PIK3R5: variants seen among roughly 807,000 people sequenced by gnomAD.
PIK3R5 encodes phosphoinositide 3-kinase regulatory subunit 5.
PIK3R5 carries 32 observed loss-of-function variants against 94.9 expected under a neutral mutation model. The ratio of observed to expected loss-of-function variants is 0.34; its 90% CI spans 0.25 to 0.45. The LOEUF (loss-of-function observed/expected upper bound fraction) is 0.45. Among genes scored for constraint, PIK3R5 ranks in the 20% least tolerant of loss-of-function variants. The probability of loss-of-function intolerance (pLI) is 1.00; values close to 1 mark genes in which losing one functional copy is unlikely to be tolerated. For missense variants in PIK3R5, 853 were observed against 1,144.6 expected, an observed-to-expected ratio of 0.75 and a Z score of 3.68; for synonymous variants, 443 against 479.4, an observed-to-expected ratio of 0.92 and a Z score of 0.99.
At chr17:8,883,312 G>A (rs561786561) in intron 15 of PIK3R5, among the ~76,000 whole-genome samples, 9 of 152,332 alleles carry the variant, frequency 5.9e-5, no homozygotes, top group Admixed American at 3.9e-4. Flanking sequence ...ATGTTGCAGT[G>A]AGCCAAGATT....
chr17:8,903,661 T>C (rs2090337745), intron 5 of PIK3R5, among the ~76,000 whole-genome samples: 2 of 152,040 alleles, frequency 1.3e-5, no homozygotes, highest in East Asian at 3.9e-4. Context: ...TTCAGCAAAG[T>C]TTGTTTTCTC....
At chr17:8,930,287 A>C (rs1384463112) in intron 1 of PIK3R5, among the ~76,000 whole-genome samples, 1 of 152,246 alleles carries the variant, frequency 6.6e-6, no homozygotes, top group Non-Finnish European at 1.5e-5. Context: ...TCAATAATAG[A>C]AAGATCACAG....
In PIK3R5 at chr17:8,890,052, C is replaced by T. The variant is rs1190087501; in HGVS notation, c.732G>A (p.Gly244=). 1 of 1,614,028 alleles carries T rather than the reference C, an allele frequency of 6.2e-7. No individual in the cohort carries two copies. The highest frequency in any genetic ancestry group is 1.1e-5 in the South Asian group (1 of 91,078). ...AEAQELASGI[G]DAAEARRWLR... ...GCCACCGCCGGGCCTCTGCAGCATCCCCGATGCCAGATGCCAGCTCCTGTG... is the reference window on the plus strand; with the variant it reads ...GCCACCGCCGGGCCTCTGCAGCATCTCCGATGCCAGATGCCAGCTCCTGTG... The change falls in exon 8 of 19, where the codon GGG becomes GGA. Residue 244 remains glycine, a synonymous_variant. Transcript: ENST00000447110. The surrounding 1 kb of genome is among the most constrained non-coding windows in gnomAD (Gnocchi z 6.1).
intron 1 of PIK3R5, among the ~76,000 whole-genome samples, chr17:8,956,184 T>C (rs1403669424): frequency 6.6e-6 from 1 of 151,450 alleles, no homozygotes; most frequent in Non-Finnish European, 1.5e-5. Context: ...AAAACAAAAA[T>C]TTGTCGGGCA....
At chr17:8,931,051 CTCTT>C (rs1047434310) in intron 1 of PIK3R5, among the ~76,000 whole-genome samples, 5 of 152,258 alleles carry the variant, frequency 3.3e-5, no homozygotes, top group East Asian at 1.9e-4. Context: ...CAAAGGATCT[CTCTT>C]TATTATTTCA....
rs2090349438 is a variant in PIK3R5 at position 8,904,224 on chromosome 17, A to G, written c.412+553T>C. Among the ~76,000 whole-genome samples, 1 of 152,178 alleles carries G rather than the reference A, an allele frequency of 6.6e-6. No individual in the cohort carries two copies. Among genetic ancestry groups the G allele is most frequent in the South Asian group, 2.1e-4 (1 of 4,836 alleles). On this transcript the variant is annotated intron_variant, in intron 5 of 18. Transcript: ENST00000447110. The surrounding 1 kb of genome is among the most constrained non-coding windows in gnomAD (Gnocchi z 5.1). ...TTCCTTAGACCTGATTTGCATGTCT[A>G]TGACAGCACCTGCAATTTCTGAAGA...
At chr17:8,963,580 C>T (rs1422931052) in intron 1 of PIK3R5, among the ~76,000 whole-genome samples, 1 of 151,580 alleles carries the variant, frequency 6.6e-6, no homozygotes, top group African/African-American at 2.4e-5. Flanking sequence ...CTGTGTCTGC[C>T]AGGCTATAGC....
intron 5 of PIK3R5, among the ~76,000 whole-genome samples, chr17:8,900,024 C>A (rs4791768): frequency 0.21 from 31,557 of 150,876 alleles, 3,966 homozygotes; most frequent in Non-Finnish European, 0.27. Flanking sequence ...GGTGACAGAG[C>A]GAGATTCCAT....
At chr17:8,915,215 G>A (rs2090605830) in intron 1 of PIK3R5, among the ~76,000 whole-genome samples, 2 of 152,116 alleles carry the variant, frequency 1.3e-5, no homozygotes, top group African/African-American at 4.8e-5. Flanking sequence ...CTGAGGTCAG[G>A]AGTTTGAGAC....
intron 1 of PIK3R5, among the ~76,000 whole-genome samples, chr17:8,941,024 C>A (rs2091170182): frequency 6.6e-6 from 1 of 152,188 alleles, no homozygotes; most frequent in Non-Finnish European, 1.5e-5. Context: ...CCCTCCAGCT[C>A]CACTGTGACC....
At chr17:8,910,142 T>G (rs2090491904) in intron 2 of PIK3R5, among the ~76,000 whole-genome samples, 1 of 152,090 alleles carries the variant, frequency 6.6e-6, no homozygotes. Flanking sequence ...AGGGAGGGGC[T>G]GTGTGTATGT....
rs565529546 is a variant in PIK3R5, at chr17:8,893,835, G to A, written c.413-180C>T. The A allele has an allele frequency of 6.0e-4, 340 of 562,714 alleles. No individual in the cohort carries two copies. The highest frequency in any genetic ancestry group is 5.6e-3 in the African/African-American group (296 of 53,050). 34.9% of individuals were successfully genotyped at this position (562,714 alleles called of 1,614,324 possible). On this transcript the variant is annotated intron_variant, in intron 5 of 18. Coordinates refer to ENST00000447110, the MANE Select transcript of PIK3R5 (RefSeq NM_001142633.3). This position sits in a 1 kb window ranked among gnomAD's most constrained non-coding sequence, Gnocchi z 5.1. ...GGTGCCTAGCAGTTTGCTTCTATGC[G>A]TCCTTTTACACCTCACGAGTCATAT...
chr17:8,887,348 C>T (rs539916509), intron 11 of PIK3R5, 127 bp from the exon 12 acceptor site: 1 of 1,403,374 alleles, frequency 7.1e-7, no homozygotes, highest in African/African-American at 1.4e-5. Flanking sequence ...AGTATGACAA[C>T]TTTCAGTCTT....
chr17:8,902,313 T>C (rs1039048186), intron 5 of PIK3R5, among the ~76,000 whole-genome samples: 5 of 135,800 alleles, frequency 3.7e-5, no homozygotes, highest in African/African-American at 1.4e-4. Context: ...TGGAGTGCAA[T>C]GGCACGATCT....
At chr17:8,962,223 G>A (rs571475839) in intron 1 of PIK3R5, among the ~76,000 whole-genome samples, 3 of 152,238 alleles carry the variant, frequency 2.0e-5, no homozygotes, top group Admixed American at 2.0e-4. Context: ...AAGATTAAAG[G>A]ACATGACATA....
chr17:8,885,051 G>T, intron 14 of PIK3R5: 1 of 452,274 alleles, frequency 2.2e-6, no homozygotes, highest in South Asian at 2.2e-5. Flanking sequence ...CCCCATCTCC[G>T]CTGTGATCAC....
chr17:8,957,858 C>T (rs1181784106), intron 1 of PIK3R5, among the ~76,000 whole-genome samples: 1 of 152,134 alleles, frequency 6.6e-6, no homozygotes, highest in African/African-American at 2.4e-5. Flanking sequence ...AGCCGTTCTC[C>T]CAGCTTCCAA....
Position 8,904,680 on chromosome 17 carries a change from G to A in PIK3R5, c.412+97C>T. ...CGTTGGCAGAGATGAATCAAAGGAT[G>A]CAAGGTAAGGAGGGTCACAAAAAAC... On this transcript the variant is annotated intron_variant, in intron 5 of 18. Coordinates refer to ENST00000447110, the MANE Select transcript of PIK3R5 (RefSeq NM_001142633.3). This position sits in a 1 kb window ranked among gnomAD's most constrained non-coding sequence, Gnocchi z 5.1. 2 of 1,212,512 alleles carry A rather than the reference G, an allele frequency of 1.6e-6. No individual in the cohort carries two copies. Among genetic ancestry groups the A allele is most frequent in the East Asian group, 2.3e-5 (1 of 42,610 alleles). 75.1% of individuals were successfully genotyped at this position (1,212,512 alleles called of 1,614,324 possible).
At chr17:8,957,658 T>C (rs1339120846) in intron 1 of PIK3R5, among the ~76,000 whole-genome samples, 2 of 152,162 alleles carry the variant, frequency 1.3e-5, no homozygotes, top group Non-Finnish European at 2.9e-5. Context: ...CTGAAGGGCA[T>C]ATAAAGTAAG....
Sources: allele counts gnomAD v4.1 joint callset (sites outside exome capture counted in the v4.1 genomes callset), GRCh38; gene constraint gnomAD v4.1.1; non-coding constraint Gnocchi (gnomAD v3.1); transcripts MANE v1.5; gene names NCBI Gene and HGNC (gene_info 2026-07-23, HGNC 2026-07-21).